The following BMPR2 variants were observed in gnomAD, a reference collection of about 807,000 sequenced individuals.
The protein encoded by BMPR2 is bone morphogenetic protein receptor type 2.
A neutral mutation model predicts 100.8 loss-of-function variants in BMPR2; 29 were observed. The ratio of observed to expected loss-of-function variants is 0.29; its 90% CI spans 0.21 to 0.39. The LOEUF is 0.39. Among genes scored for constraint, BMPR2 ranks in the 10% least tolerant of loss-of-function variants. The pLI, the probability that BMPR2 is intolerant of heterozygous loss-of-function variation, is 1.00. For missense variants in BMPR2, 1,011 were observed against 1,274.5 expected (o/e 0.79, Z 3.15); for synonymous variants, 382 against 442.3 (o/e 0.86, Z 1.71).
intron 3 of BMPR2, among the ~76,000 whole-genome samples, chr2:202,484,968 C>CA (rs747890922): frequency 0.22 from 12,921 of 59,116 alleles, 1,358 homozygotes; most frequent in Middle Eastern, 0.31. Context: ...GACTCCGTCT[C>CA]AAAAAAAAAA....
intron 1 of BMPR2, among the ~76,000 whole-genome samples, chr2:202,407,664 G>A (rs1288618448): frequency 6.6e-6 from 1 of 151,476 alleles, no homozygotes; most frequent in Non-Finnish European, 1.5e-5. Flanking sequence ...AGCTACTCGG[G>A]AGGCTGAGGC....
rs1688714586 is a variant in BMPR2, at chr2:202,563,915, G to C, written c.*3969G>C. On this transcript the variant is annotated 3_prime_UTR_variant, in exon 13 of 13. Transcript: ENST00000374580. ...ATAATGTCCTTTTTATAAAAGTTTA[G>C]TATAGCTTCTTTACATGTATCCACT... is the stretch of plus-strand genomic sequence containing the variant. 6.6e-6 allele frequency: 1 copy of C among 152,198 alleles called. No individual in the cohort carries two copies. The allele number at this position is 152,198 out of a possible 1,614,324, so 9.4% of individuals were successfully genotyped here.
intron 10 of BMPR2, among the ~76,000 whole-genome samples, chr2:202,551,139 A>T (rs1016038547): frequency 3.3e-5 from 5 of 151,722 alleles, no homozygotes; most frequent in Non-Finnish European, 7.4e-5. Flanking sequence ...TCATTTACTT[A>T]GGTAAATACC....
At chr2:202,506,314 G>A (rs984479759) in intron 3 of BMPR2, among the ~76,000 whole-genome samples, 3 of 151,928 alleles carry the variant, frequency 2.0e-5, no homozygotes, top group South Asian at 4.2e-4. Context: ...ACACCACCAA[G>A]CCCAGCTAAT....
chr2:202,479,960 C>G (rs908898283), intron 3 of BMPR2, among the ~76,000 whole-genome samples: 2 of 151,734 alleles, frequency 1.3e-5, no homozygotes, highest in Non-Finnish European at 2.9e-5. Flanking sequence ...GCATATTTGT[C>G]TTTTTATTGT....
At chr2:202,500,533 C>G (rs891035903) in intron 3 of BMPR2, among the ~76,000 whole-genome samples, 1 of 152,174 alleles carries the variant, frequency 6.6e-6, no homozygotes, top group Non-Finnish European at 1.5e-5. Flanking sequence ...CAGTCCAAAT[C>G]AGGTTAAAAG....
intron 1 of BMPR2, among the ~76,000 whole-genome samples, chr2:202,417,543 T>TA (rs1025166997): frequency 2.0e-5 from 3 of 152,096 alleles, no homozygotes; most frequent in African/African-American, 7.2e-5. Context: ...CCTCAGGTGA[T>TA]ACGCCCGCCT....
At chr2:202,402,169 T>A (rs1303719305) in intron 1 of BMPR2, among the ~76,000 whole-genome samples, 1 of 152,208 alleles carries the variant, frequency 6.6e-6, no homozygotes, top group African/African-American at 2.4e-5. Flanking sequence ...AGGCCTTTTT[T>A]ACGTAGTAAC....
chr2:202,499,500 G>A (rs2105989675), intron 3 of BMPR2, among the ~76,000 whole-genome samples: 1 of 152,156 alleles, frequency 6.6e-6, no homozygotes, highest in South Asian at 2.1e-4. Context: ...GTTCTAGAAG[G>A]ACTAAGGAGA....
chr2:202,408,675 G>C (rs1690950372), intron 1 of BMPR2, among the ~76,000 whole-genome samples: 1 of 152,136 alleles, frequency 6.6e-6, no homozygotes, highest in African/African-American at 2.4e-5. Flanking sequence ...ATTACATGAA[G>C]GACTTCCAGG....
intron 3 of BMPR2, among the ~76,000 whole-genome samples, chr2:202,507,628 G>A (rs1687546282): frequency 6.6e-6 from 1 of 151,636 alleles, no homozygotes; most frequent in Admixed American, 6.6e-5. Flanking sequence ...GCCTAAAGCG[G>A]TTCTCCCAGC....
chr2:202,552,586 A>AC, intron 10 of BMPR2, 130 bp from the exon 11 acceptor site: 1 of 904,624 alleles, frequency 1.1e-6, no homozygotes, highest in Non-Finnish European at 1.7e-6. Flanking sequence ...AGCCTAAAAT[A>AC]TGTTATTAGA....
At chr2:202,475,517 A>G (rs1254174596) in intron 3 of BMPR2, among the ~76,000 whole-genome samples, 1 of 152,210 alleles carries the variant, frequency 6.6e-6, no homozygotes, top group Non-Finnish European at 1.5e-5. Context: ...CAGTAGTAAC[A>G]AAATTCCATT....
rs1445751473 is a variant in BMPR2 at position 202,438,382 on chromosome 2, A to G, written c.77-26427A>G. Among the ~76,000 whole-genome samples the G allele has an allele frequency of 2.0e-5, 3 of 150,636 alleles. 1 individual carries two copies. The highest frequency in any genetic ancestry group is 7.5e-5 in the African/African-American group (3 of 39,974). On this transcript the variant is annotated intron_variant, in intron 1 of 12. Transcript: ENST00000374580. ...TGGATACTAGTACTTTGTTAGTTAT[A>G]TGACTTGTAAATTTTTCCCCCATTC...
chr2:202,414,126 C>G (rs1405000357), intron 1 of BMPR2, among the ~76,000 whole-genome samples: 1 of 152,192 alleles, frequency 6.6e-6, no homozygotes, highest in Non-Finnish European at 1.5e-5. Flanking sequence ...TTTCCAACAG[C>G]ATGTGCTCTT....
At chr2:202,545,581 C>T (rs1254907970) in intron 10 of BMPR2, among the ~76,000 whole-genome samples, 1 of 151,756 alleles carries the variant, frequency 6.6e-6, no homozygotes, top group Non-Finnish European at 1.5e-5. Flanking sequence ...ATAATATTTC[C>T]ATTTTGGATC....
chr2:202,380,961 CTTTCTTTTTT>C (rs1690274702), intron 1 of BMPR2, among the ~76,000 whole-genome samples: 1 of 100,246 alleles, frequency 1.0e-5, no homozygotes, highest in Non-Finnish European at 2.0e-5. Flanking sequence ...GGATTTCTTT[CTTTCTTTTTT>C]TTTTTTTTTT....
rs1690152127 is a variant in BMPR2 at position 202,376,643 on chromosome 2, A to T, written c.-832A>T. Reference sequence around the variant, plus strand: ...CTTGGTGGAATTTACCTCAGGCAAGATCGAGCCGCAGGAATAAAAAGCGAG... The same window carrying T: ...CTTGGTGGAATTTACCTCAGGCAAGTTCGAGCCGCAGGAATAAAAAGCGAG... On this transcript the variant is annotated 5_prime_UTR_variant, in exon 1 of 13. Coordinates refer to ENST00000374580, the MANE Select transcript of BMPR2 (RefSeq NM_001204.7). 6.8e-6 allele frequency among the ~76,000 whole-genome samples: 1 copy of T among 146,324 alleles called. No homozygotes were observed. Among genetic ancestry groups the T allele is most frequent in the Non-Finnish European group, 1.5e-5 (1 of 66,688 alleles).
At chr2:202,444,054 A>G (rs1691801616) in intron 1 of BMPR2, among the ~76,000 whole-genome samples, 2 of 150,726 alleles carry the variant, frequency 1.3e-5, no homozygotes. Flanking sequence ...AAATGTCTCC[A>G]GACATCTCCA....
Sources: gnomAD v4.1 joint callset for allele counts (sites outside exome capture counted in the v4.1 genomes callset) on GRCh38, gnomAD v4.1.1 for gene constraint, MANE v1.5 for transcripts, NCBI Gene and HGNC (gene_info 2026-07-23, HGNC 2026-07-21) for gene names.